The following CLDN16 variants were observed in gnomAD, a reference collection of about 807,000 sequenced individuals.
CLDN16 encodes claudin-16.
A neutral mutation model predicts 24.6 loss-of-function variants in CLDN16; 13 were observed. The observed-to-expected ratio is 0.53, with a 90% CI of 0.34 to 0.84. The LOEUF is 0.84. Ranked by LOEUF, CLDN16 falls within the 40% of genes least tolerant of loss-of-function variation. The pLI, the probability that CLDN16 is intolerant of heterozygous loss-of-function variation, is 0.01. For synonymous variants in CLDN16, 116 were observed against 106.7 expected, an observed-to-expected ratio of 1.09 and a Z score of -0.54; for missense variants, 298 against 292.7, an observed-to-expected ratio of 1.02 and a Z score of -0.13.
chr3:190,357,291 C>T (rs1717794969), intron 1 of CLDN16, among the ~76,000 whole-genome samples: 1 of 151,844 alleles, frequency 6.6e-6, no homozygotes, highest in Non-Finnish European at 1.5e-5. Flanking sequence ...CTTGAATCTA[C>T]CTGATCATTA....
chr3:190,386,514 A>G (rs6764454), upstream of CLDN16, among the ~76,000 whole-genome samples: 29,945 of 152,102 alleles, frequency 0.2, 3,225 homozygotes, highest in East Asian at 0.37. Context: ...TGGGTAGTGC[A>G]TACAATGTGG....
chr3:190,382,588 C>A (rs1475271325), intron 3 of CLDN16, among the ~76,000 whole-genome samples: 2 of 152,064 alleles, frequency 1.3e-5, no homozygotes, highest in African/African-American at 4.8e-5. Flanking sequence ...CAAACCAGAC[C>A]ATTTCCCTTT....
At chr3:190,298,395 A>G in the CLDN16 span, among the ~76,000 whole-genome samples, 3 of 146,818 alleles carry the variant, frequency 2.0e-5, no homozygotes, top group African/African-American at 7.5e-5. Context: ...TGTATTATTT[A>G]GTTTTGCTAG....
At chr3:190,308,663 A>C in the CLDN16 span, among the ~76,000 whole-genome samples, 1 of 152,192 alleles carries the variant, frequency 6.6e-6, no homozygotes, top group South Asian at 2.1e-4. Flanking sequence ...AACACATGTA[A>C]TACCAGGTTA....
chr3:190,350,699 C>G (rs1031049794), intron 1 of CLDN16, among the ~76,000 whole-genome samples: 1 of 152,110 alleles, frequency 6.6e-6, no homozygotes, highest in Non-Finnish European at 1.5e-5. Context: ...GCATTGAAAC[C>G]TATTACTGTG....
chr3:190,384,065 C>T (rs191780715), upstream of CLDN16, among the ~76,000 whole-genome samples: 155 of 152,256 alleles, frequency 1.0e-3, 1 homozygote, highest in African/African-American at 3.6e-3. Context: ...ATGGGCTTAG[C>T]CTAAACTCGA....
At chr3:190,302,776 A>AT in the CLDN16 span, among the ~76,000 whole-genome samples, 4 of 112,908 alleles carry the variant, frequency 3.5e-5, no homozygotes, top group African/African-American at 1.2e-4. Flanking sequence ...TGTCTCAAAA[A>AT]AAAATATATA....
At chr3:190,297,536 T>C in the CLDN16 span, among the ~76,000 whole-genome samples, 1 of 142,178 alleles carries the variant, frequency 7.0e-6, no homozygotes, top group Non-Finnish European at 1.5e-5. Flanking sequence ...ATATTATAGA[T>C]ATATAGATAA....
chr3:190,371,118 T>C (rs1020506687), intron 2 of CLDN16: 2 of 148,472 alleles, frequency 1.3e-5, no homozygotes, highest in Non-Finnish European at 3.0e-5. Flanking sequence ...TATATATTTA[T>C]CCTATTAGTT....
intron 4 of CLDN16, among the ~76,000 whole-genome samples, chr3:190,409,324 G>GCA (rs1440654574): frequency 2.0e-5 from 3 of 151,652 alleles, no homozygotes; most frequent in African/African-American, 4.8e-5. Context: ...ATGCACACAT[G>GCA]TATATGTATA....
intron 1 of CLDN16, among the ~76,000 whole-genome samples, chr3:190,365,386 G>A (rs1364285128): frequency 6.6e-6 from 1 of 151,570 alleles, no homozygotes; most frequent in Non-Finnish European, 1.5e-5. Context: ...CCAGTGAAGT[G>A]TCTTTTGGAT....
At chr3:190,331,122 T>C (rs1717171955) in intron 1 of CLDN16, among the ~76,000 whole-genome samples, 1 of 152,182 alleles carries the variant, frequency 6.6e-6, no homozygotes, top group African/African-American at 2.4e-5. Context: ...ACCATACCTA[T>C]GTGAGGTTAG....
At chr3:190,324,596 A>C (rs1717018393) in intron 1 of CLDN16, among the ~76,000 whole-genome samples, 1 of 152,188 alleles carries the variant, frequency 6.6e-6, no homozygotes, top group Non-Finnish European at 1.5e-5. Flanking sequence ...ATCAACCTAC[A>C]ATTAGCGGGG....
At chr3:190,401,493 G>A (rs959163324) in intron 1 of CLDN16, among the ~76,000 whole-genome samples, 4 of 152,256 alleles carry the variant, frequency 2.6e-5, no homozygotes, top group South Asian at 4.1e-4. Context: ...TTCCATATGC[G>A]TGAGCTCTAT....
At chr3:190,362,579 G>T (rs914745847) in intron 1 of CLDN16, among the ~76,000 whole-genome samples, 3 of 151,968 alleles carry the variant, frequency 2.0e-5, no homozygotes, top group Non-Finnish European at 4.4e-5. Context: ...TTTCTCCATT[G>T]CAATTCCCGT....
At chr3:190,406,005 CATCGA>C (rs1177556147) in intron 3 of CLDN16, among the ~76,000 whole-genome samples, 4 of 152,114 alleles carry the variant, frequency 2.6e-5, no homozygotes, top group Non-Finnish European at 5.9e-5. Context: ...TGGGGTAGTA[CATCGA>C]TATGGAGTTT....
At chr3:190,370,441 T>TGTC (rs1718114158) in intron 1 of CLDN16, among the ~76,000 whole-genome samples, 1 of 151,962 alleles carries the variant, frequency 6.6e-6, no homozygotes, top group Non-Finnish European at 1.5e-5. Flanking sequence ...ACATCTTGGT[T>TGTC]ATCATCACTA....
Position 190,367,232 on chromosome 3 carries a change from A to T in CLDN16, n.122-3661A>T, listed in dbSNP as rs4450789. Reference sequence around the variant, plus strand: ...TAACTCCGAAGGTTTGTATTTGACCATAGATATTAAAGTGCATAGTGAAAC... The same window carrying T: ...TAACTCCGAAGGTTTGTATTTGACCTTAGATATTAAAGTGCATAGTGAAAC... On this transcript the variant is annotated intron_variant and non_coding_transcript_variant, in intron 1 of 4. Transcript: ENST00000468220. 6.7e-4 allele frequency among the ~76,000 whole-genome samples: 102 copies of T among 152,046 alleles called. 1 individual carries two copies. Among genetic ancestry groups the T allele is most frequent in the Non-Finnish European group, 1.1e-3 (73 of 67,912 alleles).
the CLDN16 span, chr3:190,313,264 T>C: frequency 1.3e-5 from 7 of 537,646 alleles, no homozygotes; most frequent in Non-Finnish European, 2.3e-5. Flanking sequence ...CACTCCAATA[T>C]TTTATGTTTC....
Sources: allele counts gnomAD v4.1 joint callset (sites outside exome capture counted in the v4.1 genomes callset), GRCh38; gene constraint gnomAD v4.1.1; transcripts MANE v1.5; gene names NCBI Gene and HGNC (gene_info 2026-07-23, HGNC 2026-07-21).